PDGFRA: variants seen among roughly 807,000 people sequenced by gnomAD.
The protein encoded by PDGFRA is platelet-derived growth factor receptor alpha.
In PDGFRA, 25 loss-of-function variants were observed where a neutral mutation model predicts 121.5. That is an observed-to-expected ratio of 0.21 (90% CI 0.15 to 0.29). The LOEUF is 0.29. Ranked by LOEUF, PDGFRA falls within the 10% of genes least tolerant of loss-of-function variation. The probability of loss-of-function intolerance (pLI) is 1.00; values close to 1 mark genes in which losing one functional copy is unlikely to be tolerated. For missense variants in PDGFRA, 1,008 were observed against 1,345.1 expected (o/e 0.75, Z 3.92); for synonymous variants, 463 against 494.8 (o/e 0.94, Z 0.85).
At chr4:54,276,358 G>A (rs1390179143) in intron 12 of PDGFRA, among the ~76,000 whole-genome samples, 1 of 152,082 alleles carries the variant, frequency 6.6e-6, no homozygotes, top group East Asian at 1.9e-4. Flanking sequence ...TAGTAGAATA[G>A]GTCTCCCGTA....
chr4:54,256,460 A>G (rs1210663781), intron 1 of PDGFRA, among the ~76,000 whole-genome samples: 1 of 150,702 alleles, frequency 6.6e-6, no homozygotes, highest in Non-Finnish European at 1.5e-5. Flanking sequence ...CTGGTCTCGA[A>G]CTCCTGACCT....
intron 1 of PDGFRA, among the ~76,000 whole-genome samples, chr4:54,231,432 A>G (rs914938303): frequency 3.3e-5 from 5 of 152,208 alleles, no homozygotes; most frequent in African/African-American, 1.2e-4. Context: ...TCCGCAGTGC[A>G]TCTCACCGGA....
At chr4:54,274,510 C>T in intron 10 of PDGFRA, 21 bp from the exon 11 acceptor site, 1 of 1,574,552 alleles carries the variant, frequency 6.4e-7, no homozygotes, top group Non-Finnish European at 8.7e-7. Context: ...TTTCATTGTG[C>T]CTCTCTCTCT....
rs769092243 is a variant in PDGFRA at position 54,267,393 on chromosome 4, C to T, written c.864C>T (p.Tyr288=). ...PEATVKDSGD[Y]ECAARQATRE... ...CCACGGTGAAAGACAGTGGAGATTA[C>T]GAATGTGCTGCCCGCCAGGCTACCA... Residue 288 remains tyrosine, a synonymous_variant, in exon 6 of 23, where the codon TAC becomes TAT. Coordinates refer to ENST00000257290, the MANE Select transcript of PDGFRA (RefSeq NM_006206.6). 5.0e-6 allele frequency: 8 copies of T among 1,614,118 alleles called. No homozygotes were observed. The highest frequency in any genetic ancestry group is 2.2e-5 in the South Asian group (2 of 91,080).
intron 16 of PDGFRA, among the ~76,000 whole-genome samples, chr4:54,284,726 G>A (rs888319009): frequency 6.6e-6 from 1 of 151,936 alleles, no homozygotes; most frequent in Non-Finnish European, 1.5e-5. Flanking sequence ...CTCCCACCAG[G>A]CCCCACCTCC....
At chr4:54,242,039 G>C (rs1013424222) in intron 1 of PDGFRA, among the ~76,000 whole-genome samples, 4 of 152,136 alleles carry the variant, frequency 2.6e-5, no homozygotes, top group Non-Finnish European at 2.9e-5. Context: ...TATAGCCTTT[G>C]CAAGTTCAAA....
chr4:54,233,036 C>A (rs1720778383), intron 1 of PDGFRA, among the ~76,000 whole-genome samples: 1 of 152,128 alleles, frequency 6.6e-6, no homozygotes, highest in African/African-American at 2.4e-5. Context: ...TCCCCCCACC[C>A]GCCCGGATTC....
In PDGFRA at chr4:54,290,300, T is replaced by G. The variant is rs546801340; in HGVS notation, c.2881-13T>G. ...TTAACACTTGATTAAATATGTTCAATGAATGTTTATAGAGTTATGAAAAAA... is the reference window on the plus strand; with the variant it reads ...TTAACACTTGATTAAATATGTTCAAGGAATGTTTATAGAGTTATGAAAAAA... On this transcript the variant is annotated splice_polypyrimidine_tract_variant and intron_variant, in intron 21 of 22. Coordinates refer to ENST00000257290, the MANE Select transcript of PDGFRA (RefSeq NM_006206.6). 1 of 1,601,868 alleles carries G rather than the reference T, an allele frequency of 6.2e-7. No homozygotes were observed. The highest frequency in any genetic ancestry group is 2.2e-5 in the East Asian group (1 of 44,826).
intron 21 of PDGFRA, among the ~76,000 whole-genome samples, chr4:54,289,640 T>A (rs112182984): frequency 1.8e-3 from 272 of 152,330 alleles, no homozygotes; most frequent in African/African-American, 6.2e-3. Context: ...ATAACCTCAG[T>A]TTCTTAGATT....
intron 3 of PDGFRA, among the ~76,000 whole-genome samples, chr4:54,261,898 C>CATATAT (rs397880252): frequency 2.5e-4 from 24 of 95,284 alleles, no homozygotes; most frequent in African/African-American, 7.7e-4. Flanking sequence ...AAAAAAGTTA[C>CATATAT]ATATATATAT....
chr4:54,284,107 T>A (rs1476256603), intron 16 of PDGFRA, among the ~76,000 whole-genome samples: 1 of 152,250 alleles, frequency 6.6e-6, no homozygotes. Context: ...AGTTCTTTGC[T>A]GAAGCTTAAC....
chr4:54,289,512 G>T (rs1465081050), intron 21 of PDGFRA, among the ~76,000 whole-genome samples: 3 of 152,200 alleles, frequency 2.0e-5, no homozygotes, highest in African/African-American at 4.8e-5. Flanking sequence ...GCACCAGCTG[G>T]TTTTTTGTGG....
chr4:54,297,014 C>T lies in PDGFRA; in HGVS notation c.*1742C>T, dbSNP rs1007201112. The T allele has an allele frequency of 4.3e-6, 1 of 233,084 alleles. No individual in the cohort carries two copies. The highest frequency in any genetic ancestry group is 2.2e-5 in the African/African-American group (1 of 45,332). 14.4% of individuals were successfully genotyped at this position (233,084 alleles called of 1,614,324 possible). ...CGTCTTCTGCCTCCCACTCCATACC[C>T]CGCCAAGGAAAGGCATGTACAAAAA... On this transcript the variant is annotated 3_prime_UTR_variant, in exon 23 of 23. Transcript: ENST00000257290.
chr4:54,245,086 G>A (rs1311066161), intron 1 of PDGFRA, among the ~76,000 whole-genome samples: 2 of 152,300 alleles, frequency 1.3e-5, no homozygotes, highest in African/African-American at 2.4e-5. Context: ...CCAAATCTAC[G>A]TCTGATTGGT....
At chr4:54,286,344 TTTA>T in intron 18 of PDGFRA, among the ~76,000 whole-genome samples, 1 of 151,068 alleles carries the variant, frequency 6.6e-6, no homozygotes, top group Non-Finnish European at 1.5e-5. Flanking sequence ...TATTTATTTA[TTTA>T]TTTATTTATT....
At chr4:54,278,922 T>C (rs1387798710) in intron 15 of PDGFRA, 2 of 457,932 alleles carry the variant, frequency 4.4e-6, no homozygotes, top group Non-Finnish European at 8.8e-6. Context: ...ACGTCAATGA[T>C]AGTGATCCCT....
intron 4 of PDGFRA, chr4:54,264,517 A>C: frequency 3.5e-6 from 1 of 285,190 alleles, no homozygotes; most frequent in South Asian, 3.6e-5. Flanking sequence ...TGAGGAGCAG[A>C]GTGGAAGAGA....
At chr4:54,252,194 C>T (rs1040705682) in intron 1 of PDGFRA, among the ~76,000 whole-genome samples, 1 of 152,130 alleles carries the variant, frequency 6.6e-6, no homozygotes, top group Non-Finnish European at 1.5e-5. Flanking sequence ...TAATTCTAGG[C>T]ATGTATTAGA....
chr4:54,283,854 T>G (rs1577739192), intron 16 of PDGFRA, among the ~76,000 whole-genome samples: 1 of 152,284 alleles, frequency 6.6e-6, no homozygotes, highest in East Asian at 1.9e-4. Flanking sequence ...CTCTCACTCA[T>G]CCTCCCAAAG....
Sources: allele counts gnomAD v4.1 joint callset (sites outside exome capture counted in the v4.1 genomes callset), GRCh38; gene constraint gnomAD v4.1.1; transcripts MANE v1.5; gene names NCBI Gene and HGNC (gene_info 2026-07-23, HGNC 2026-07-21).